Variants in MAST4 observed in about 807,000 individuals in gnomAD.
The protein encoded by MAST4 is microtubule associated serine/threonine kinase family member 4, also known as microtubule-associated serine/threonine-protein kinase 4.
Under a neutral mutation model 162.7 loss-of-function variants are expected in MAST4, and 89 were observed. The observed-to-expected ratio is 0.55, with a 90% confidence interval of 0.46 to 0.65. The LOEUF (loss-of-function observed/expected upper bound fraction) is 0.65, where lower values mean the gene tolerates loss of function less well. MAST4 is among the 30% of genes least tolerant of loss of function. The pLI is 0.00. For synonymous variants in MAST4, 1,479 were observed against 1,361.1 expected, an observed-to-expected ratio of 1.09 and a Z score of -1.91; for missense variants, 3,153 against 3,374.0, an observed-to-expected ratio of 0.93 and a Z score of 1.62.
intron 7 of MAST4, among the ~76,000 whole-genome samples, chr5:67,096,846 T>C (rs1005131871): frequency 1.8e-4 from 27 of 152,270 alleles, no homozygotes; most frequent in African/African-American, 6.5e-4. Flanking sequence ...TAGATCATAT[T>C]TTTAGAAACA....
At chr5:66,877,231 G>A (rs1166254711) in intron 3 of MAST4, among the ~76,000 whole-genome samples, 1 of 152,198 alleles carries the variant, frequency 6.6e-6, no homozygotes, top group African/African-American at 2.4e-5. Context: ...AAATGCTTGA[G>A]TGAGAAGTGG....
intron 4 of MAST4, among the ~76,000 whole-genome samples, chr5:66,969,009 C>G (rs1747098409): frequency 6.6e-6 from 1 of 152,134 alleles, no homozygotes; most frequent in Non-Finnish European, 1.5e-5. Context: ...ACTGCTGTCT[C>G]CCTAGCCCAT....
intron 7 of MAST4, 46 bp from the exon 8 acceptor site, chr5:67,100,389 G>A (rs185206931): frequency 1.2e-6 from 2 of 1,604,560 alleles, no homozygotes; most frequent in Admixed American, 3.3e-5. Context: ...CATTTGAAGA[G>A]TTTCTTTCTG....
At chr5:66,787,946 A>G (rs1336185599) in intron 2 of MAST4, among the ~76,000 whole-genome samples, 2 of 152,236 alleles carry the variant, frequency 1.3e-5, no homozygotes, top group East Asian at 1.9e-4. Flanking sequence ...GTCAAAAACT[A>G]TCATTTCTTG....
chr5:66,964,428 A>G (rs1274391883), intron 4 of MAST4, among the ~76,000 whole-genome samples: 1 of 152,158 alleles, frequency 6.6e-6, no homozygotes, highest in Non-Finnish European at 1.5e-5. Flanking sequence ...TTCACTATTT[A>G]TGGATATAGT....
At chr5:66,618,080 A>G (rs2149403321) in intron 1 of MAST4, among the ~76,000 whole-genome samples, 1 of 151,870 alleles carries the variant, frequency 6.6e-6, no homozygotes, top group South Asian at 2.1e-4. Context: ...AAGGCCTGCC[A>G]GGTGGTTCTG....
chr5:66,724,587 A>G (rs1020543262), intron 1 of MAST4, among the ~76,000 whole-genome samples: 1 of 152,152 alleles, frequency 6.6e-6, no homozygotes, highest in Non-Finnish European at 1.5e-5. Flanking sequence ...CGCAAACATC[A>G]TGGAGTGTAC....
intron 5 of MAST4, among the ~76,000 whole-genome samples, chr5:67,077,407 A>G (rs1053038703): frequency 8.5e-5 from 13 of 152,322 alleles, no homozygotes; most frequent in African/African-American, 3.1e-4. Context: ...TTCTAAAGCT[A>G]GGATTCAGAA....
At chr5:66,717,192 G>A (rs1750896478) in intron 1 of MAST4, among the ~76,000 whole-genome samples, 1 of 152,144 alleles carries the variant, frequency 6.6e-6, no homozygotes, top group African/African-American at 2.4e-5. Context: ...GAGGGAGGAG[G>A]CTACCCTATA....
At chr5:66,609,691 GTTTTTTTTTTTTTGT>G (rs747053047) in intron 1 of MAST4, among the ~76,000 whole-genome samples, 5 of 117,500 alleles carry the variant, frequency 4.3e-5, no homozygotes, top group East Asian at 4.6e-4. Context: ...CCAGCCTGGT[GTTTTTTTTTTTTTGT>G]TTTTTTTTTT....
intron 1 of MAST4, among the ~76,000 whole-genome samples, chr5:66,656,377 C>T (rs1746548368): frequency 6.6e-6 from 1 of 152,166 alleles, no homozygotes. Context: ...AGGTTGGGAA[C>T]GTTGTTAAAT....
chr5:66,767,977 C>A (rs544081164), intron 2 of MAST4, among the ~76,000 whole-genome samples: 1 of 152,274 alleles, frequency 6.6e-6, no homozygotes, highest in East Asian at 1.9e-4. Flanking sequence ...CCAGCATCCA[C>A]ACTTTACATC....
intron 5 of MAST4, among the ~76,000 whole-genome samples, chr5:67,086,627 A>T (rs1231316336): frequency 1.3e-5 from 2 of 152,236 alleles, no homozygotes; most frequent in East Asian, 3.9e-4. Flanking sequence ...CAAACATCCA[A>T]GAGCCAGCAA....
intron 3 of MAST4, among the ~76,000 whole-genome samples, chr5:66,798,703 C>T (rs926075058): frequency 3.3e-5 from 5 of 152,148 alleles, no homozygotes; most frequent in Admixed American, 6.5e-5. Flanking sequence ...CAGGCGTATA[C>T]ATTTATCATT....
chr5:67,004,704 T>G (rs977874077), intron 4 of MAST4: 1 of 357,106 alleles, frequency 2.8e-6, no homozygotes, highest in African/African-American at 2.1e-5. Flanking sequence ...AATTACTGTT[T>G]ATAGCTGGCC....
intron 2 of MAST4, among the ~76,000 whole-genome samples, chr5:66,782,971 T>G (rs183978319): frequency 6.6e-5 from 10 of 152,344 alleles, no homozygotes; most frequent in Admixed American, 5.2e-4. Flanking sequence ...TGTATCATGT[T>G]AGTGCCTTCT....
At chr5:67,107,665 T>A (rs1765748273) in intron 10 of MAST4, among the ~76,000 whole-genome samples, 2 of 152,226 alleles carry the variant, frequency 1.3e-5, no homozygotes, top group Non-Finnish European at 2.9e-5. Flanking sequence ...TGTAGGCCTA[T>A]CTCCTAACCA....
chr5:66,639,691 G>T (rs1375966105), intron 1 of MAST4, among the ~76,000 whole-genome samples: 1 of 152,082 alleles, frequency 6.6e-6, no homozygotes, highest in Non-Finnish European at 1.5e-5. Context: ...AACTATTTTG[G>T]TGGTGTTCAG....
At chr5:66,971,504 T>G (rs892958034) in intron 4 of MAST4, among the ~76,000 whole-genome samples, 15 of 152,168 alleles carry the variant, frequency 9.9e-5, no homozygotes, top group Admixed American at 2.0e-4. Flanking sequence ...TCACCCCGTT[T>G]GCAAGGAGCC....
Sources: gnomAD v4.1 joint callset for allele counts (sites outside exome capture counted in the v4.1 genomes callset) on GRCh38, gnomAD v4.1.1 for gene constraint, MANE v1.5 for transcripts, NCBI Gene and HGNC (gene_info 2026-07-23, HGNC 2026-07-21) for gene names.